The following AR variants were observed in gnomAD, a reference collection of about 807,000 sequenced individuals.
The protein encoded by AR is dihydrotestosterone receptor.
Under a neutral mutation model 53.9 loss-of-function variants are expected in AR, and 8 were observed. That is an observed-to-expected ratio of 0.15 (90% confidence interval 0.09 to 0.27). The LOEUF is 0.27. Among genes scored for constraint, AR ranks in the 10% least tolerant of loss-of-function variants. The pLI, the probability that AR is intolerant of heterozygous loss-of-function variation, is 1.00. For synonymous variants in AR, 359 were observed against 316.4 expected, an observed-to-expected ratio of 1.13 and a Z score of -1.43; for missense variants, 639 against 742.5, an observed-to-expected ratio of 0.86 and a Z score of 1.62.
chrX:67,685,668 G>A (rs2075962174), intron 2 of AR, among the ~76,000 whole-genome samples: 1 of 111,484 alleles, frequency 9.0e-6, no homozygotes, highest in African/African-American at 3.3e-5. Context: ...GGGGTGACAA[G>A]TTCCACAATG....
At chrX:67,584,079 AATAGTTGCTGG>A (rs747964946) in intron 1 of AR, among the ~76,000 whole-genome samples, 1 of 112,405 alleles carries the variant, frequency 8.9e-6, no homozygotes, top group East Asian at 2.8e-4. Context: ...TTACTCCATG[AATAGTTGCTGG>A]ATGTTCATTA....
intron 6 of AR, 63 bp from the exon 7 acceptor site, chrX:67,722,764 C>G (rs776495312): frequency 1.7e-6 from 2 of 1,178,765 alleles, no homozygotes; most frequent in African/African-American, 3.6e-5. Flanking sequence ...AAACTTGGTG[C>G]TTTGTCTAAT....
chrX:67,705,499 T>A (rs956189517), intron 3 of AR, among the ~76,000 whole-genome samples: 2 of 111,843 alleles, frequency 1.8e-5, no homozygotes, highest in African/African-American at 6.5e-5. Flanking sequence ...TGATTTTGTA[T>A]CCTGAGACTT....
chrX:67,722,143 C>T (rs1484214219), intron 6 of AR, 180 bp downstream of exon 6: 1 of 560,841 alleles, frequency 1.8e-6, no homozygotes, highest in Non-Finnish European at 2.8e-6. Flanking sequence ...GAAACAATTT[C>T]ATGACTAGAA....
intron 1 of AR, among the ~76,000 whole-genome samples, chrX:67,571,298 C>T (rs753597604): frequency 5.4e-5 from 6 of 111,774 alleles, no homozygotes; most frequent in Non-Finnish European, 1.1e-4. Context: ...AAACATCATA[C>T]ACACTGATCC....
rs1186151917 is a variant in AR, at chrX:67,545,570, A to C, written c.424A>C (p.Ser142Arg). ...AGAGCCTGGAGCCGCCGTGGCCGCCAGCAAGGGGCTGCCGCAGCAGCTGCC... is the reference window on the plus strand; with the variant it reads ...AGAGCCTGGAGCCGCCGTGGCCGCCCGCAAGGGGCTGCCGCAGCAGCTGCC... Reference protein sequence around the residue: ...VPEPGAAVAASKGLPQQLPAP... With the variant: ...VPEPGAAVAARKGLPQQLPAP... The change falls in exon 1 of 8, where the codon AGC (serine) becomes CGC (arginine). Residue 142 changes from serine (S) to arginine (R), a missense_variant. Physicochemically the swap from Ser to Arg is moderately radical, Grantham distance 110 (BLOSUM62 -1). This residue lies in a region of AR where 423 missense variants were observed against 377.0 expected (regional missense o/e 1.12). Transcript: ENST00000374690. 8.4e-7 allele frequency: 1 copy of C among 1,184,232 alleles called. No individual in the cohort carries two copies. Among genetic ancestry groups the C allele is most frequent in the Non-Finnish European group, 1.1e-6 (1 of 881,733 alleles).
intron 1 of AR, among the ~76,000 whole-genome samples, chrX:67,600,031 C>A (rs1923279829): frequency 9.0e-6 from 1 of 110,904 alleles, no homozygotes; most frequent in Non-Finnish European, 1.9e-5. Context: ...TTAATATCAT[C>A]TGACTCTTGC....
chrX:67,663,105 G>A (rs1385879674), intron 2 of AR, among the ~76,000 whole-genome samples: 9 of 111,625 alleles, frequency 8.1e-5, no homozygotes, highest in Non-Finnish European at 1.7e-4. Context: ...CTTTTAATTG[G>A]AGCATTTAGC....
At chrX:67,608,312 A>C (rs563191983) in intron 1 of AR, among the ~76,000 whole-genome samples, 1 of 112,072 alleles carries the variant, frequency 8.9e-6, no homozygotes, top group Admixed American at 9.5e-5. Context: ...ATGTCCTTCT[A>C]TCTTATTGTA....
chrX:67,683,116 C>CA (rs1387575130), intron 2 of AR, among the ~76,000 whole-genome samples: 1 of 111,904 alleles, frequency 8.9e-6, no homozygotes, highest in Non-Finnish European at 1.9e-5. Flanking sequence ...CAGTCACACT[C>CA]AAACACCTAT....
At chrX:67,717,149 A>G (rs2076116598) in intron 4 of AR, among the ~76,000 whole-genome samples, 1 of 112,198 alleles carries the variant, frequency 8.9e-6, no homozygotes, top group African/African-American at 3.2e-5. Flanking sequence ...TTTAAAAAAG[A>G]GCAATCCAAT....
intron 1 of AR, among the ~76,000 whole-genome samples, chrX:67,555,671 G>A (rs1220005933): frequency 1.8e-5 from 2 of 112,367 alleles, no homozygotes; most frequent in African/African-American, 6.5e-5. Flanking sequence ...TAAGAGCTTT[G>A]CTGTATTAGA....
Position 67,726,770 on chromosome X carries a change from C to T in AR, c.*2929C>T, listed in dbSNP as rs1190347656. On this transcript the variant is annotated 3_prime_UTR_variant, in exon 8 of 8. Coordinates refer to ENST00000374690, the MANE Select transcript of AR (RefSeq NM_000044.6). Reference sequence around the variant, plus strand: ...TTTCTTTTGGCCATTGATGTTCTAGCCAATGTAATTGACAGAAGTCTCATT... The same window carrying T: ...TTTCTTTTGGCCATTGATGTTCTAGTCAATGTAATTGACAGAAGTCTCATT... 1 of 173,206 alleles carries T rather than the reference C, an allele frequency of 5.8e-6. No homozygotes were observed. Among genetic ancestry groups the T allele is most frequent in the Non-Finnish European group, 1.1e-5 (1 of 91,036 alleles). 14.3% of individuals were successfully genotyped at this position (173,206 alleles called of 1,213,427 possible).
intron 1 of AR, among the ~76,000 whole-genome samples, chrX:67,557,494 CAGTT>C (rs1271825781): frequency 2.7e-5 from 3 of 112,111 alleles, no homozygotes; most frequent in South Asian, 3.7e-4. Context: ...GGCTTCTTCT[CAGTT>C]AGTTCTCATG....
chrX:67,630,852 C>A lies in AR; in HGVS notation c.1617-12404C>A, dbSNP rs4393047. ...CAGGCCTGGTGGTGACAAAATCTCTCGGCATTTGCTTGTCTGTAAAGGATT... is the reference window on the plus strand; with the variant it reads ...CAGGCCTGGTGGTGACAAAATCTCTAGGCATTTGCTTGTCTGTAAAGGATT... On this transcript the variant is annotated intron_variant, in intron 1 of 7. Transcript: ENST00000374690. Among the ~76,000 whole-genome samples the A allele has an allele frequency of 2.7e-5, 3 of 109,685 alleles. No individual in the cohort carries two copies. The East Asian group carries it at 8.7e-4, about 32-fold the overall frequency.
intron 3 of AR, among the ~76,000 whole-genome samples, chrX:67,688,835 G>A (rs1250955786): frequency 1.8e-5 from 2 of 111,499 alleles, no homozygotes; most frequent in Admixed American, 1.9e-4. Context: ...TCAATGCACA[G>A]CACACCTTTA....
At chrX:67,686,845 G>C (rs1360314432) in intron 3 of AR, among the ~76,000 whole-genome samples, 1 of 110,896 alleles carries the variant, frequency 9.0e-6, no homozygotes, top group African/African-American at 3.3e-5. Context: ...CCACAAACCT[G>C]TCTACCATGA....
intron 1 of AR, among the ~76,000 whole-genome samples, chrX:67,589,269 C>CAA (rs773313820): frequency 4.9e-5 from 2 of 41,129 alleles, no homozygotes; most frequent in East Asian, 7.8e-4. Context: ...GACTCCGTCT[C>CAA]AAAAAAAAAA....
At chrX:67,577,829 A>G (rs764730643) in intron 1 of AR, among the ~76,000 whole-genome samples, 15 of 111,200 alleles carry the variant, frequency 1.3e-4, no homozygotes, top group African/African-American at 4.9e-4. Context: ...TTGTCTTTGC[A>G]TTATTGAGTT....
Sources: gnomAD v4.1 joint callset for allele counts (sites outside exome capture counted in the v4.1 genomes callset) on GRCh38, gnomAD v4.1.1 for gene constraint, gnomAD v4.1.1 regional missense constraint, MANE v1.5 for transcripts, NCBI Gene and HGNC (gene_info 2026-07-23, HGNC 2026-07-21) for gene names.